Variants in EYS observed in about 807,000 individuals in gnomAD.
EYS encodes EGF-like photoreceptor maintenance factor.
In EYS, 250 loss-of-function variants were observed where a neutral mutation model predicts 282.1. The observed-to-expected ratio is 0.89, with a 90% CI of 0.80 to 0.98. EYS has a LOEUF of 0.98. Ranked by LOEUF, EYS falls within the 50% of genes least tolerant of loss-of-function variation. The probability of loss-of-function intolerance (pLI) is 0.00; values close to 1 mark genes in which losing one functional copy is unlikely to be tolerated. For missense variants in EYS, 4,016 were observed against 3,709.0 expected, an observed-to-expected ratio of 1.08 and a Z score of -2.15; for synonymous variants, 1,355 against 1,282.9, an observed-to-expected ratio of 1.06 and a Z score of -1.20.
At chr6:64,516,134 G>A (rs1490417431) in intron 26 of EYS, among the ~76,000 whole-genome samples, 1 of 151,700 alleles carries the variant, frequency 6.6e-6, no homozygotes, top group African/African-American at 2.4e-5. Flanking sequence ...GACACATAGA[G>A]GGGGAACAAC....
rs56880870 is a variant in EYS, at chr6:64,218,921, T to C, written c.6424+11671A>G. 4.1e-3 allele frequency among the ~76,000 whole-genome samples: 623 copies of C among 152,308 alleles called. 8 individuals carry two copies. Among genetic ancestry groups the C allele is most frequent in the African/African-American group, 0.014 (595 of 41,572 alleles). On this transcript the variant is annotated intron_variant, in intron 31 of 42. Coordinates refer to ENST00000503581, the MANE Select transcript of EYS (RefSeq NM_001142800.2). ...CAAGTCATCTAGAAATAACCTTGTC[T>C]AATAACATGTCAACCTTGTCATGTG... is the stretch of plus-strand genomic sequence containing the variant.
chr6:64,353,181 A>T (rs936601050), intron 29 of EYS, among the ~76,000 whole-genome samples: 4 of 151,618 alleles, frequency 2.6e-5, no homozygotes, highest in African/African-American at 9.6e-5. Flanking sequence ...TTTATTTTAA[A>T]AATCAATGCT....
At chr6:65,521,916 C>A (rs1356432055) in intron 2 of EYS, among the ~76,000 whole-genome samples, 1 of 152,014 alleles carries the variant, frequency 6.6e-6, no homozygotes, top group Non-Finnish European at 1.5e-5. Flanking sequence ...GATTAATAGT[C>A]AACAATGTAA....
At chr6:65,687,809 T>C (rs1769085842) in intron 1 of EYS, among the ~76,000 whole-genome samples, 1 of 152,026 alleles carries the variant, frequency 6.6e-6, no homozygotes, top group African/African-American at 2.4e-5. Context: ...CAGAGCCAAA[T>C]CATGAGTGAA....
At chr6:64,550,775 A>T (rs1197534314) in intron 26 of EYS, among the ~76,000 whole-genome samples, 1 of 152,100 alleles carries the variant, frequency 6.6e-6, no homozygotes, top group East Asian at 1.9e-4. Context: ...TCAGGATACA[A>T]AATCAATGTG....
intron 1 of EYS, among the ~76,000 whole-genome samples, chr6:65,688,748 A>G (rs1210340982): frequency 4.2e-4 from 64 of 152,298 alleles, no homozygotes; most frequent in Non-Finnish European, 7.3e-4. Flanking sequence ...GAAGACATTT[A>G]AGCAGCCAAA....
intron 16 of EYS, among the ~76,000 whole-genome samples, chr6:64,907,054 A>G (rs966465191): frequency 6.6e-5 from 10 of 151,828 alleles, no homozygotes; most frequent in African/African-American, 2.4e-4. Context: ...ATTTATTATT[A>G]TTATTTTTTA....
chr6:64,621,780 T>C (rs767200921), intron 23 of EYS, among the ~76,000 whole-genome samples: 1 of 152,154 alleles, frequency 6.6e-6, no homozygotes, highest in Non-Finnish European at 1.5e-5. Context: ...TATAACACCA[T>C]TGCACCCCTG....
intron 1 of EYS, among the ~76,000 whole-genome samples, chr6:65,676,055 A>C (rs552150826): frequency 3.3e-5 from 5 of 151,920 alleles, no homozygotes; most frequent in African/African-American, 1.2e-4. Flanking sequence ...AACCTAACAT[A>C]CCAAAATTTA....
At chr6:64,415,493 G>C (rs1172303527) in intron 28 of EYS, among the ~76,000 whole-genome samples, 1 of 152,130 alleles carries the variant, frequency 6.6e-6, no homozygotes, top group Admixed American at 6.6e-5. Flanking sequence ...TGTCCTAATA[G>C]AGAATTACTC....
chr6:65,234,094 C>T (rs1023753679), intron 12 of EYS, among the ~76,000 whole-genome samples: 1 of 152,134 alleles, frequency 6.6e-6, no homozygotes, highest in Non-Finnish European at 1.5e-5. Context: ...CCAAGATCTT[C>T]ATTATTTATT....
At chr6:64,104,042 G>A (rs1772922003) in intron 31 of EYS, among the ~76,000 whole-genome samples, 1 of 152,098 alleles carries the variant, frequency 6.6e-6, no homozygotes, top group South Asian at 2.1e-4. Context: ...CAGTGGGAGA[G>A]TAATGAAACC....
At chr6:64,367,514 A>G (rs1772218642) in intron 29 of EYS, among the ~76,000 whole-genome samples, 1 of 152,042 alleles carries the variant, frequency 6.6e-6, no homozygotes, top group Non-Finnish European at 1.5e-5. Flanking sequence ...GGAGGATGGA[A>G]CACAGATACC....
intron 36 of EYS, among the ~76,000 whole-genome samples, chr6:63,829,305 T>A (rs146431051): frequency 1.3e-5 from 2 of 152,284 alleles, no homozygotes; most frequent in Non-Finnish European, 2.9e-5. Context: ...GGGAATTCCC[T>A]TTCCCAGCAA....
chr6:65,144,884 C>A (rs1307686608), intron 12 of EYS, among the ~76,000 whole-genome samples: 3 of 151,900 alleles, frequency 2.0e-5, no homozygotes, highest in Non-Finnish European at 2.9e-5. Context: ...CCTGCCTCAG[C>A]CTCCCAAGTA....
chr6:65,406,368 CTTG>C (rs1163605277), intron 5 of EYS, among the ~76,000 whole-genome samples: 1 of 151,978 alleles, frequency 6.6e-6, no homozygotes, highest in Non-Finnish European at 1.5e-5. Flanking sequence ...CATTTTCTCA[CTTG>C]TTGACATTTG....
chr6:65,533,468 T>C (rs1463166221), intron 2 of EYS, among the ~76,000 whole-genome samples: 2 of 152,132 alleles, frequency 1.3e-5, no homozygotes, highest in Non-Finnish European at 2.9e-5. Context: ...GAGGGAATCC[T>C]TCTTAACCCA....
intron 15 of EYS, among the ~76,000 whole-genome samples, chr6:64,916,094 T>A (rs986824892): frequency 6.6e-6 from 1 of 152,180 alleles, no homozygotes; most frequent in Non-Finnish European, 1.5e-5. Flanking sequence ...ACTCAGTTAA[T>A]ATACTATGGC....
chr6:65,169,140 T>C (rs947299680), intron 12 of EYS, among the ~76,000 whole-genome samples: 1 of 151,638 alleles, frequency 6.6e-6, no homozygotes, highest in African/African-American at 2.4e-5. Context: ...ATAATTCATA[T>C]ATATGTTTTC....
Sources: allele counts gnomAD v4.1 joint callset (sites outside exome capture counted in the v4.1 genomes callset), GRCh38; gene constraint gnomAD v4.1.1; transcripts MANE v1.5; gene names NCBI Gene and HGNC (gene_info 2026-07-23, HGNC 2026-07-21).